TNFAIP3: variants seen among roughly 807,000 people sequenced by gnomAD.
TNFAIP3 encodes tumor necrosis factor alpha-induced protein 3.
Under a neutral mutation model 72.4 loss-of-function variants are expected in TNFAIP3, and 9 were observed. The ratio of observed to expected loss-of-function variants is 0.12; its 90% confidence interval spans 0.07 to 0.22. TNFAIP3 has a LOEUF of 0.22. Ranked by LOEUF, TNFAIP3 falls within the 10% of genes least tolerant of loss-of-function variation. TNFAIP3 has a pLI of 1.00. For missense variants in TNFAIP3, 833 were observed against 1,018.7 expected (o/e 0.82, Z 2.48); for synonymous variants, 339 against 372.6 (o/e 0.91, Z 1.04).
At chr6:137,879,478 A>C (rs1364522314) in intron 7 of TNFAIP3, 127 bp downstream of exon 7, 9 of 1,169,504 alleles carry the variant, frequency 7.7e-6, no homozygotes, top group Non-Finnish European at 1.1e-5. Flanking sequence ...GTGCTTTTCT[A>C]CCAGCTTGTG....
At position 137,881,010 on chromosome 6, in the gene TNFAIP3, T is replaced by C. The variant is rs955159264; in HGVS notation, c.2089-25T>C. On this transcript the variant is annotated intron_variant, in intron 8 of 8. Transcript: ENST00000612899. The surrounding 1 kb of genome is among the most constrained non-coding windows in gnomAD (Gnocchi z 5.0). ...GAGCAATAGTTTCCTGACTTTTTAA[T>C]GATCTGCCTGTTCTTTCCACTCAGA... 6.4e-7 allele frequency: 1 copy of C among 1,558,122 alleles called. No individual in the cohort carries two copies.
At chr6:137,869,385 G>A (rs935677045) in intron 1 of TNFAIP3, among the ~76,000 whole-genome samples, 3 of 132,350 alleles carry the variant, frequency 2.3e-5, no homozygotes, top group Non-Finnish European at 4.9e-5. Flanking sequence ...ATGGACGGAC[G>A]GACGGACGGA....
intron 7 of TNFAIP3, 111 bp downstream of exon 7, chr6:137,879,462 C>T (rs563333924): frequency 2.3e-6 from 3 of 1,303,852 alleles, no homozygotes; most frequent in East Asian, 2.3e-5. Flanking sequence ...ACTGTCAGGA[C>T]CTACCGTGCT....
At position 137,875,842 on chromosome 6, in the gene TNFAIP3, T is replaced by C. The variant is rs2114483468; in HGVS notation, c.634+7T>C. The C allele has an allele frequency of 6.2e-7, 1 of 1,614,212 alleles. No homozygotes were observed. The highest frequency in any genetic ancestry group is 1.3e-5 in the African/African-American group (1 of 75,068). On this transcript the variant is annotated splice_region_variant and intron_variant, in intron 4 of 8. Transcript: ENST00000612899. ...CCAATCATTGTCATTTCAGGTGAGA[T>C]GCCTGCAGATCACGGATCTGTACTT... is the stretch of plus-strand genomic sequence containing the variant.
chr6:137,877,038 A>G (rs749484814), intron 5 of TNFAIP3, 38 bp from the exon 6 acceptor site: 3 of 1,489,632 alleles, frequency 2.0e-6, no homozygotes, highest in Non-Finnish European at 2.7e-6. Context: ...CTTGTTTAGT[A>G]GAATACTGTT....
Position 137,881,894 on chromosome 6 carries a change from C to A in TNFAIP3, c.*575C>A. On this transcript the variant is annotated 3_prime_UTR_variant, in exon 9 of 9. Transcript: ENST00000612899. The surrounding 1 kb of genome is among the most constrained non-coding windows in gnomAD (Gnocchi z 5.0). ...ACCTGCCCGGTTCCTTTCCTGAGGA[C>A]CCGGCAGAAATGCAGAACCATCCAT... The A allele has an allele frequency of 4.3e-6, 1 of 232,334 alleles. No individual in the cohort carries two copies. The highest frequency in any genetic ancestry group is 8.5e-6 in the Non-Finnish European group (1 of 117,384). The allele number at this position is 232,334 out of a possible 1,614,324, so 14.4% of individuals were successfully genotyped here. A position where few individuals can be genotyped will look rare whatever the true frequency, so the allele number is the denominator to read the frequency against.
intron 7 of TNFAIP3, 126 bp downstream of exon 7, chr6:137,879,477 T>C: frequency 8.6e-7 from 1 of 1,166,340 alleles, no homozygotes; most frequent in Non-Finnish European, 1.2e-6. Context: ...CGTGCTTTTC[T>C]ACCAGCTTGT....
chr6:137,879,926 A>G, intron 7 of TNFAIP3, 145 bp from the exon 8 acceptor site: 1 of 625,592 alleles, frequency 1.6e-6, no homozygotes, highest in Non-Finnish European at 2.7e-6. Context: ...GAATTTATAG[A>G]CTTAAACATA....
rs1776075661 is a variant in TNFAIP3 at position 137,871,872 on chromosome 6, C to T, written c.295+350C>T. ...GGCCCGTAATGGAAATGTTAAAAGC[C>T]TTTAAGTTCAAAAGGAAAGAATGGT... On this transcript the variant is annotated intron_variant, in intron 2 of 8. Transcript: ENST00000612899. This position sits in a 1 kb window ranked among gnomAD's most constrained non-coding sequence, Gnocchi z 4.2. 6.6e-6 allele frequency among the ~76,000 whole-genome samples: 1 copy of T among 152,158 alleles called. No individual in the cohort carries two copies. Among genetic ancestry groups the T allele is most frequent in the South Asian group, 2.1e-4 (1 of 4,838 alleles).
chr6:137,880,927 C>G, intron 8 of TNFAIP3, 108 bp from the exon 9 acceptor site: 1 of 1,244,350 alleles, frequency 8.0e-7, no homozygotes, highest in Non-Finnish European at 1.1e-6. Flanking sequence ...GCAGGTAAAG[C>G]TCTTTGTAGA....
chr6:137,872,614 G>A (rs1249564830), intron 2 of TNFAIP3, among the ~76,000 whole-genome samples: 1 of 152,128 alleles, frequency 6.6e-6, no homozygotes, highest in Admixed American at 6.5e-5. Context: ...GATTCTGGGG[G>A]CTCTTGTACA....
At chr6:137,873,267 C>T (rs1776123520) in intron 2 of TNFAIP3, among the ~76,000 whole-genome samples, 1 of 152,132 alleles carries the variant, frequency 6.6e-6, no homozygotes, top group South Asian at 2.1e-4. Flanking sequence ...GAGGGTTCTT[C>T]AAAGGCAATA....
At chr6:137,866,560 G>T (rs1467246105), upstream of TNFAIP3, 1 of 152,452 alleles carries the variant, frequency 6.6e-6, no homozygotes, top group Non-Finnish European at 1.5e-5. Context: ...AGGGGTGAGT[G>T]TTGTTCTGAT....
intron 4 of TNFAIP3, 61 bp downstream of exon 4, chr6:137,875,896 C>T (rs2114483901): frequency 6.2e-7 from 1 of 1,605,884 alleles, no homozygotes; most frequent in South Asian, 1.1e-5. Context: ...GCCTTGGCTC[C>T]TGGAGAAAAC....
intron 1 of TNFAIP3, chr6:137,868,382 C>A (rs1775916252): frequency 6.6e-6 from 1 of 152,344 alleles, no homozygotes; most frequent in Non-Finnish European, 1.5e-5. Flanking sequence ...AAAGGGACTT[C>A]TGGACCGCAA....
intron 7 of TNFAIP3, 127 bp from the exon 8 acceptor site, chr6:137,879,944 A>T (rs1418609498): frequency 2.9e-6 from 2 of 682,740 alleles, no homozygotes; most frequent in South Asian, 2.0e-5. Flanking sequence ...ATATACATAT[A>T]TATATTTCTA....
In TNFAIP3 at chr6:137,878,436, G is replaced by C. The variant is rs1406164317; in HGVS notation, c.991G>C (p.Asp331His). Residue 331 changes from aspartate (D) to histidine (H), a missense_variant, in exon 7 of 9, where the codon GAT becomes CAT. Transcript: ENST00000612899. Reference sequence around the variant, plus strand: ...TTTTTTCCTTTTGGTCTTCAGGTTGGATGAAGCTAACTTACCAAAAGAAAT... The same window carrying C: ...TTTTTTCCTTTTGGTCTTCAGGTTGCATGAAGCTAACTTACCAAAAGAAAT... ...TTHLINAAKLDEANLPKEINL... is the reference protein window; with the variant it reads ...TTHLINAAKLHEANLPKEINL... 6.2e-7 allele frequency: 1 copy of C among 1,603,216 alleles called. No individual in the cohort carries two copies. Among genetic ancestry groups the C allele is most frequent in the Non-Finnish European group, 8.5e-7 (1 of 1,171,808 alleles).
intron 5 of TNFAIP3, 22 bp downstream of exon 5, chr6:137,876,188 A>G: frequency 6.3e-7 from 1 of 1,594,416 alleles, no homozygotes; most frequent in South Asian, 1.1e-5. Context: ...GCATTAATTC[A>G]CATCTATAAC....
chr6:137,868,686 A>G (rs1465065723), intron 1 of TNFAIP3, among the ~76,000 whole-genome samples: 1 of 128,202 alleles, frequency 7.8e-6, no homozygotes, highest in Non-Finnish European at 1.7e-5. Flanking sequence ...TAAGACAGTG[A>G]GGTAACAAAT....
Sources: gnomAD v4.1 joint callset for allele counts (sites outside exome capture counted in the v4.1 genomes callset) on GRCh38, gnomAD v4.1.1 for gene constraint, Gnocchi (gnomAD v3.1) non-coding constraint, MANE v1.5 for transcripts, NCBI Gene and HGNC (gene_info 2026-07-23, HGNC 2026-07-21) for gene names.